Variants in IGF2BP2 observed in about 807,000 individuals in gnomAD.
The protein encoded by IGF2BP2 is insulin-like growth factor 2 mRNA-binding protein 2.
IGF2BP2 carries 17 observed loss-of-function variants against 75.8 expected under a neutral mutation model. The observed-to-expected ratio is 0.22, with a 90% confidence interval of 0.15 to 0.34. The LOEUF (loss-of-function observed/expected upper bound fraction) is 0.34. Among genes scored for constraint, IGF2BP2 ranks in the 10% least tolerant of loss-of-function variants. The probability of loss-of-function intolerance (pLI) is 1.00; values close to 1 mark genes in which losing one functional copy is unlikely to be tolerated. For missense variants in IGF2BP2, 516 were observed against 772.4 expected (o/e 0.67, Z 3.93); for synonymous variants, 288 against 295.6 (o/e 0.97, Z 0.26).
At chr3:185,760,847 A>G (rs1294392843) in intron 2 of IGF2BP2, among the ~76,000 whole-genome samples, 1 of 152,180 alleles carries the variant, frequency 6.6e-6, no homozygotes, top group Non-Finnish European at 1.5e-5. Context: ...CTTGCTGCCC[A>G]ACTTTAATAA....
At chr3:185,679,089 G>A (rs1385358421) in intron 7 of IGF2BP2, among the ~76,000 whole-genome samples, 1 of 152,178 alleles carries the variant, frequency 6.6e-6, no homozygotes, top group Non-Finnish European at 1.5e-5. Flanking sequence ...AGAATGGGGA[G>A]TTTAATTCAT....
rs559989069 is a variant in IGF2BP2 at position 185,649,192 on chromosome 3, C to T, written c.1593+211G>A. Reference sequence around the variant, plus strand: ...GGCTTACAGCACCACGGATTGGGGGCCCTAAGTTGTGGAGTGAAGCCGATG... The same window carrying T: ...GGCTTACAGCACCACGGATTGGGGGTCCTAAGTTGTGGAGTGAAGCCGATG... On this transcript the variant is annotated intron_variant, in intron 14 of 15. Coordinates refer to ENST00000382199, the MANE Select transcript of IGF2BP2 (RefSeq NM_006548.6). Among the ~76,000 whole-genome samples the T allele has an allele frequency of 5.9e-5, 9 of 151,852 alleles. No individual in the cohort carries two copies. The South Asian group carries it at 1.5e-3, about 25-fold the overall frequency.
intron 4 of IGF2BP2, 132 bp downstream of exon 4, chr3:185,696,480 A>G (rs1722597726): frequency 2.8e-6 from 2 of 719,506 alleles, no homozygotes; most frequent in Admixed American, 2.5e-5. Context: ...ACATAGATGT[A>G]AATACATATA....
chr3:185,746,252 G>A (rs1270152629), intron 2 of IGF2BP2, among the ~76,000 whole-genome samples: 2 of 152,178 alleles, frequency 1.3e-5, no homozygotes, highest in Admixed American at 6.5e-5. Context: ...GGCACCTTGA[G>A]TGGGCGGAGG....
chr3:185,790,375 CAAGTGGGAAG>C lies in IGF2BP2; in HGVS notation c.239+32768_239+32777del, dbSNP rs920302629. On this transcript the variant is annotated intron_variant, in intron 2 of 15. Transcript: ENST00000382199. Reference sequence around the variant, plus strand: ...ATTGTCTAGATCAAACACTCAAAAACAAGTGGGAAGAAGTGACTGGGCTTCAGGATATACA... The same window carrying C: ...ATTGTCTAGATCAAACACTCAAAAACAAGTGACTGGGCTTCAGGATATACA... Among the ~76,000 whole-genome samples, 26 of 152,260 alleles carry C rather than the reference CAAGTGGGAAG, an allele frequency of 1.7e-4. 1 individual carries two copies. The highest frequency in any genetic ancestry group is 1.6e-3 in the Admixed American group (25 of 15,292).
At chr3:185,660,307 G>A (rs1453419983) in intron 10 of IGF2BP2, among the ~76,000 whole-genome samples, 1 of 152,226 alleles carries the variant, frequency 6.6e-6, no homozygotes, top group African/African-American at 2.4e-5. Flanking sequence ...GAGGTTTGGA[G>A]TCTGGTGACC....
At chr3:185,754,886 C>T (rs993962791) in intron 2 of IGF2BP2, among the ~76,000 whole-genome samples, 1 of 152,092 alleles carries the variant, frequency 6.6e-6, no homozygotes, top group African/African-American at 2.4e-5. Flanking sequence ...TAACAAACTA[C>T]AATCAGAATT....
chr3:185,675,488 A>C (rs993225121), intron 8 of IGF2BP2, 57 bp from the exon 9 acceptor site: 6 of 1,574,712 alleles, frequency 3.8e-6, no homozygotes, highest in African/African-American at 2.8e-5. Context: ...TAAAATGCCC[A>C]AAAAATAAAA....
chr3:185,769,316 C>T (rs1459638711), intron 2 of IGF2BP2, among the ~76,000 whole-genome samples: 1 of 152,058 alleles, frequency 6.6e-6, no homozygotes, highest in Non-Finnish European at 1.5e-5. Context: ...GATCATGCCA[C>T]TGCACTCCAG....
intron 10 of IGF2BP2, among the ~76,000 whole-genome samples, chr3:185,661,469 G>A (rs1012905436): frequency 5.3e-5 from 8 of 151,514 alleles, no homozygotes; most frequent in African/African-American, 9.7e-5. Context: ...AAACCCCATC[G>A]CTAGCAAAAA....
chr3:185,779,249 G>T (rs1264369561), intron 2 of IGF2BP2, among the ~76,000 whole-genome samples: 1 of 152,060 alleles, frequency 6.6e-6, no homozygotes, highest in Non-Finnish European at 1.5e-5. Flanking sequence ...AAAATCTTTA[G>T]GAATAACTCA....
At position 185,665,458 on chromosome 3, in the gene IGF2BP2, A is replaced by AGGAGGAGG. The variant is rs1560251507; in HGVS notation, c.1201-7050_1201-7049insCCTCCTCC. On this transcript the variant is annotated intron_variant, in intron 10 of 15. Coordinates refer to ENST00000382199, the MANE Select transcript of IGF2BP2 (RefSeq NM_006548.6). ...GGAGGAGAAGGAGGAGGAGGAGGAG[A>AGGAGGAGG]AGAAGAAGAAGAAGAAGGAGAAGAA... Among the ~76,000 whole-genome samples the AGGAGGAGG allele has an allele frequency of 6.3e-4, 42 of 66,646 alleles. 3 individuals are homozygous for AGGAGGAGG. The highest frequency in any genetic ancestry group is 9.0e-4 in the Non-Finnish European group (31 of 34,322). The allele number at this position is 66,646 out of a possible 152,430, so 43.7% of individuals were successfully genotyped here. A position where few individuals can be genotyped will look rare whatever the true frequency, so the allele number is the denominator to read the frequency against.
At chr3:185,711,572 TCCAGCAGGACCCA>T (rs1724801440) in intron 2 of IGF2BP2, among the ~76,000 whole-genome samples, 1 of 152,330 alleles carries the variant, frequency 6.6e-6, no homozygotes, top group South Asian at 2.1e-4. Flanking sequence ...CTGAGCAGGC[TCCAGCAGGACCCA>T]CCAGCAGAGA....
intron 2 of IGF2BP2, among the ~76,000 whole-genome samples, chr3:185,719,968 T>C (rs188486424): frequency 2.0e-3 from 306 of 152,182 alleles, no homozygotes; most frequent in Non-Finnish European, 3.5e-3. Flanking sequence ...CATGAATAAA[T>C]ACAAACTCAA....
chr3:185,684,913 A>G (rs1720901072), intron 7 of IGF2BP2, among the ~76,000 whole-genome samples: 1 of 152,192 alleles, frequency 6.6e-6, no homozygotes, highest in African/African-American at 2.4e-5. Flanking sequence ...TGATTAGCAC[A>G]GTGTAGGCAC....
chr3:185,732,224 C>G (rs1728290433), intron 2 of IGF2BP2, among the ~76,000 whole-genome samples: 1 of 152,154 alleles, frequency 6.6e-6, no homozygotes, highest in African/African-American at 2.4e-5. Flanking sequence ...AGTGTGAGGC[C>G]TTGAAAGCTA....
intron 4 of IGF2BP2, 149 bp downstream of exon 4, chr3:185,696,463 A>G: frequency 1.7e-5 from 11 of 655,258 alleles, no homozygotes; most frequent in Non-Finnish European, 2.7e-5. Context: ...TATGTAAGAT[A>G]CATCTTACAT....
intron 2 of IGF2BP2, among the ~76,000 whole-genome samples, chr3:185,795,603 CAGA>C (rs2149893339): frequency 6.6e-6 from 1 of 152,178 alleles, no homozygotes; most frequent in African/African-American, 2.4e-5. Context: ...AAAATGAAGC[CAGA>C]AGCAGTGGGT....
intron 2 of IGF2BP2, among the ~76,000 whole-genome samples, chr3:185,774,865 C>T (rs1473642837): frequency 2.0e-5 from 3 of 151,604 alleles, no homozygotes; most frequent in Non-Finnish European, 2.9e-5. Context: ...ACTAAAAATA[C>T]AAAAATTAGC....
Sources: allele counts gnomAD v4.1 joint callset (sites outside exome capture counted in the v4.1 genomes callset), GRCh38; gene constraint gnomAD v4.1.1; transcripts MANE v1.5; gene names NCBI Gene and HGNC (gene_info 2026-07-23, HGNC 2026-07-21).